Variants in KCNB2 observed in about 807,000 individuals in gnomAD.
The protein encoded by KCNB2 is potassium voltage-gated channel subfamily B member 2, also known as delayed rectifier potassium channel protein.
Under a neutral mutation model 61.5 loss-of-function variants are expected in KCNB2, and 15 were observed. The ratio of observed to expected loss-of-function variants is 0.24; its 90% CI spans 0.16 to 0.38. The LOEUF (loss-of-function observed/expected upper bound fraction) is 0.38. KCNB2 is among the 10% of genes least tolerant of loss of function. The probability of loss-of-function intolerance (pLI) is 1.00; values close to 1 mark genes in which losing one functional copy is unlikely to be tolerated. For synonymous variants in KCNB2, 457 were observed against 446.0 expected, an observed-to-expected ratio of 1.02 and a Z score of -0.31; for missense variants, 828 against 1,125.2, an observed-to-expected ratio of 0.74 and a Z score of 3.78.
At chr8:72,628,988 G>A (rs1805837657) in intron 2 of KCNB2, among the ~76,000 whole-genome samples, 1 of 152,122 alleles carries the variant, frequency 6.6e-6, no homozygotes, top group South Asian at 2.1e-4. Flanking sequence ...TAACATTTTA[G>A]GCACTAAATA....
intron 2 of KCNB2, among the ~76,000 whole-genome samples, chr8:72,690,364 T>TACCAAATGTCATC (rs1806920653): frequency 6.6e-6 from 1 of 152,226 alleles, no homozygotes; most frequent in Admixed American, 6.5e-5. Context: ...TTGCTGTCAT[T>TACCAAATGTCATC]ACCAAATGTC....
chr8:72,595,567 G>A (rs1585773472), intron 2 of KCNB2, among the ~76,000 whole-genome samples: 2 of 151,940 alleles, frequency 1.3e-5, no homozygotes, highest in African/African-American at 4.8e-5. Flanking sequence ...CTCGTGATCC[G>A]CCCACGTCGG....
At chr8:72,888,464 T>C (rs901887804) in intron 2 of KCNB2, among the ~76,000 whole-genome samples, 3 of 152,164 alleles carry the variant, frequency 2.0e-5, no homozygotes, top group Admixed American at 6.6e-5. Context: ...TTATAAAAGA[T>C]ACTTTTAAGC....
intron 2 of KCNB2, among the ~76,000 whole-genome samples, chr8:72,912,908 C>G (rs1468404052): frequency 6.6e-6 from 1 of 152,048 alleles, no homozygotes; most frequent in Non-Finnish European, 1.5e-5. Context: ...AGATTTTTAC[C>G]TTTGAGCAGC....
At chr8:72,778,450 T>G (rs1808695009) in intron 2 of KCNB2, among the ~76,000 whole-genome samples, 1 of 151,790 alleles carries the variant, frequency 6.6e-6, no homozygotes, top group Admixed American at 6.6e-5. Context: ...TCTAGAAATT[T>G]TTCTGGGCCA....
In KCNB2 at chr8:72,725,601, A is replaced by ATATATATGTATGTGTG. The variant is rs1807634576; in HGVS notation, c.579+157295_579+157296insGTATGTGTGTATATAT. 1.1e-3 allele frequency among the ~76,000 whole-genome samples: 114 copies of ATATATATGTATGTGTG among 100,232 alleles called. No individual in the cohort carries two copies. The Middle Eastern group carries it at 0.027, about 24-fold the overall frequency. The allele number at this position is 100,232 out of a possible 152,430, so 65.8% of individuals were successfully genotyped here. A position where few individuals can be genotyped will look rare whatever the true frequency, so the allele number is the denominator to read the frequency against. ...TATATATATATGTATGTATATATAT[A>ATATATATGTATGTGTG]TATATATATATATATATATATGCAT... On this transcript the variant is annotated intron_variant, in intron 2 of 2. Transcript: ENST00000523207.
intron 2 of KCNB2, among the ~76,000 whole-genome samples, chr8:72,576,660 A>G (rs1025280717): frequency 6.6e-6 from 1 of 152,206 alleles, no homozygotes; most frequent in Admixed American, 6.5e-5. Context: ...TCCACATAGT[A>G]TGTGGGCACT....
intron 2 of KCNB2, among the ~76,000 whole-genome samples, chr8:72,758,999 A>G (rs1028030900): frequency 2.0e-5 from 3 of 152,190 alleles, no homozygotes; most frequent in Admixed American, 6.5e-5. Flanking sequence ...AAATCATGCC[A>G]ATATTTTATA....
intron 2 of KCNB2, among the ~76,000 whole-genome samples, chr8:72,920,595 A>G (rs2129008184): frequency 6.7e-6 from 1 of 150,156 alleles, no homozygotes; most frequent in Non-Finnish European, 1.5e-5. Flanking sequence ...GTGACCCTCG[A>G]TTATGCCACC....
chr8:72,897,812 C>G (rs1443844432), intron 2 of KCNB2, among the ~76,000 whole-genome samples: 2 of 152,152 alleles, frequency 1.3e-5, no homozygotes, highest in African/African-American at 4.8e-5. Flanking sequence ...AAATTCTCAT[C>G]CATAAGAGAA....
chr8:72,667,006 T>TGTGTGTGAGAGA (rs141712140), intron 2 of KCNB2, among the ~76,000 whole-genome samples: 2,394 of 147,890 alleles, frequency 0.016, 41 homozygotes, highest in African/African-American at 0.053. Context: ...TGTGTGTGTG[T>TGTGTGTGAGAGA]GAGAGAGAGA....
intron 2 of KCNB2, among the ~76,000 whole-genome samples, chr8:72,652,258 T>A (rs2128986502): frequency 6.6e-6 from 1 of 152,256 alleles, no homozygotes; most frequent in South Asian, 2.1e-4. Context: ...GTAATAAATA[T>A]ACAAGTCCAT....
At position 72,937,843 on chromosome 8, in the gene KCNB2, A is replaced by G. The variant is rs748627225; in HGVS notation, c.2488A>G (p.Ser830Gly). Reference sequence around the variant, plus strand: ...AAGGGAGGAGAAGCAGGTGGACTCCAGCCCAAATTGCTTTGCAGATAAGCC... The same window carrying G: ...AAGGGAGGAGAAGCAGGTGGACTCCGGCCCAAATTGCTTTGCAGATAAGCC... ...GAREEKQVDS[S>G]PNCFADKPSD... Residue 830 changes from serine (S) to glycine (G), a missense_variant, in exon 3 of 3, where the codon AGC becomes GGC. Ser to Gly is a moderately conservative substitution (Grantham distance 56). This residue lies in a region of KCNB2 where 559 missense variants were observed against 588.4 expected (regional missense o/e 0.95). Coordinates refer to ENST00000523207, the MANE Select transcript of KCNB2 (RefSeq NM_004770.3). 3.1e-6 allele frequency: 5 copies of G among 1,614,104 alleles called. No individual in the cohort carries two copies. The East Asian group carries it at 1.1e-4, about 36-fold the overall frequency.
intron 2 of KCNB2, among the ~76,000 whole-genome samples, chr8:72,830,227 C>CAAAA (rs543474001): frequency 4.0e-4 from 33 of 83,388 alleles, no homozygotes; most frequent in East Asian, 9.4e-4. Context: ...TCATATTTTC[C>CAAAA]AAAAAAAAAA....
intron 2 of KCNB2, among the ~76,000 whole-genome samples, chr8:72,721,971 G>A (rs907837162): frequency 5.9e-5 from 9 of 152,158 alleles, no homozygotes; most frequent in East Asian, 5.8e-4. Flanking sequence ...TTGAGAGTCC[G>A]TGCTTGATCC....
chr8:72,919,274 T>G (rs992421086), intron 2 of KCNB2, among the ~76,000 whole-genome samples: 2 of 152,158 alleles, frequency 1.3e-5, no homozygotes, highest in African/African-American at 4.8e-5. Context: ...GGAGTTCCCA[T>G]AGCCCTGCCC....
At chr8:72,893,419 G>A (rs1293203431) in intron 2 of KCNB2, among the ~76,000 whole-genome samples, 1 of 151,556 alleles carries the variant, frequency 6.6e-6, no homozygotes, top group East Asian at 1.9e-4. Flanking sequence ...TGCATTTCTG[G>A]GACTTCTACC....
chr8:72,566,474 C>T (rs1275836007), intron 1 of KCNB2, among the ~76,000 whole-genome samples: 1 of 151,090 alleles, frequency 6.6e-6, no homozygotes, highest in Non-Finnish European at 1.5e-5. Context: ...CCAAGGCCAG[C>T]GGATTGCTTA....
At chr8:72,717,449 T>C (rs10098857) in intron 2 of KCNB2, among the ~76,000 whole-genome samples, 27,683 of 151,868 alleles carry the variant, frequency 0.18, 3,316 homozygotes, top group African/African-American at 0.35. Flanking sequence ...AGCATGGTAC[T>C]GGTACCAAAA....
Sources: allele counts gnomAD v4.1 joint callset (sites outside exome capture counted in the v4.1 genomes callset), GRCh38; gene constraint gnomAD v4.1.1; regional missense constraint gnomAD v4.1.1; transcripts MANE v1.5; gene names NCBI Gene and HGNC (gene_info 2026-07-23, HGNC 2026-07-21).